The following IL17REL variants were observed in gnomAD, a reference collection of about 807,000 sequenced individuals.
The protein encoded by IL17REL is interleukin-17 receptor E-like protein.
Under a neutral mutation model 49.0 loss-of-function variants are expected in IL17REL, and 36 were observed. The ratio of observed to expected loss-of-function variants is 0.73; its 90% CI spans 0.56 to 0.97. The LOEUF (loss-of-function observed/expected upper bound fraction) is 0.97, where lower values mean the gene tolerates loss of function less well. IL17REL is among the 50% of genes least tolerant of loss of function. The pLI, the probability that IL17REL is intolerant of heterozygous loss-of-function variation, is 0.00. For synonymous variants in IL17REL, 206 were observed against 192.4 expected, an observed-to-expected ratio of 1.07 and a Z score of -0.58; for missense variants, 470 against 453.9, an observed-to-expected ratio of 1.04 and a Z score of -0.32.
At chr22:50,009,520 C>T (rs973624730), upstream of IL17REL, among the ~76,000 whole-genome samples, 7 of 152,130 alleles carry the variant, frequency 4.6e-5, no homozygotes, top group Non-Finnish European at 1.0e-4. Flanking sequence ...AGAGTCCAGG[C>T]CCCCTGGGGG....
exon 13 of IL17REL, chr22:49,996,683 G>A (rs564143467): frequency 1.6e-4 from 44 of 270,398 alleles, no homozygotes; most frequent in African/African-American, 8.1e-4. Context: ...ACTCAGGGCC[G>A]GATGGTCTCC....
downstream of IL17REL, among the ~76,000 whole-genome samples, chr22:49,994,074 C>T (rs1174104923): frequency 6.7e-6 from 1 of 149,446 alleles, no homozygotes; most frequent in Non-Finnish European, 1.5e-5. Context: ...CCCCCATTCC[C>T]CTGATCTCCA....
At chr22:50,007,553 G>A (rs1005124189) in intron 1 of IL17REL, among the ~76,000 whole-genome samples, 1 of 151,816 alleles carries the variant, frequency 6.6e-6, no homozygotes, top group Admixed American at 6.6e-5. Flanking sequence ...TTGGGGGGGG[G>A]ATTCTTAGTA....
chr22:49,994,292 G>A (rs973336940), downstream of IL17REL, among the ~76,000 whole-genome samples: 4 of 133,020 alleles, frequency 3.0e-5, no homozygotes, highest in East Asian at 4.5e-4. Context: ...ACTTGGATGG[G>A]GATGTCTGGT....
chr22:50,010,677 G>A (rs2061134576), upstream of IL17REL, among the ~76,000 whole-genome samples: 1 of 152,196 alleles, frequency 6.6e-6, no homozygotes, highest in African/African-American at 2.4e-5. Flanking sequence ...ACCCAGGGCT[G>A]GCCCCGTGGC....
intron 1 of IL17REL, among the ~76,000 whole-genome samples, chr22:50,008,285 C>T (rs774408405): frequency 3.9e-5 from 6 of 152,152 alleles, no homozygotes; most frequent in East Asian, 1.9e-4. Context: ...GTTAAAGGCC[C>T]AGTAGGGATC....
At chr22:49,992,945 C>T (rs1053994023), downstream of IL17REL, among the ~76,000 whole-genome samples, 28 of 152,194 alleles carry the variant, frequency 1.8e-4, no homozygotes, top group Non-Finnish European at 7.3e-5. Context: ...CAGCTCCCCA[C>T]ACTCCCCATC....
At chr22:49,997,134 G>T in intron 11 of IL17REL, 60 bp from the exon 14 acceptor site, 1 of 1,491,534 alleles carries the variant, frequency 6.7e-7, no homozygotes. Flanking sequence ...GCTAAACACT[G>T]TCCTTCTCCC....
chr22:49,998,423 TG>T, intron 7 of IL17REL, 114 bp from the exon 10 acceptor site: 1 of 617,740 alleles, frequency 1.6e-6, no homozygotes, highest in Non-Finnish European at 2.7e-6. Flanking sequence ...CGCAGTCCTA[TG>T]GGTCTCTGAG....
At chr22:50,000,367 C>T in intron 4 of IL17REL, 111 bp downstream of exon 5, 1 of 796,974 alleles carries the variant, frequency 1.3e-6, no homozygotes, top group Admixed American at 2.2e-5. Context: ...AGAGGTCTTG[C>T]GGGGATCTGT....
At chr22:49,992,968 T>G (rs2061013438), downstream of IL17REL, among the ~76,000 whole-genome samples, 1 of 152,178 alleles carries the variant, frequency 6.6e-6, no homozygotes, top group Admixed American at 6.5e-5. Context: ...GCTCCCAGCC[T>G]CATTCCTCAC....
At chr22:50,011,728 G>C (rs1405583942), upstream of IL17REL, among the ~76,000 whole-genome samples, 1 of 152,072 alleles carries the variant, frequency 6.6e-6, no homozygotes, top group Admixed American at 6.5e-5. Context: ...CTGTGGATCT[G>C]AGCCTGCCCA....
chr22:49,998,904 TG>T (rs556709754), intron 7 of IL17REL, among the ~76,000 whole-genome samples: 17 of 152,024 alleles, frequency 1.1e-4, no homozygotes, highest in South Asian at 8.3e-4. Flanking sequence ...TGCATGTGTA[TG>T]GGCGTGTATG....
intron 7 of IL17REL, among the ~76,000 whole-genome samples, chr22:49,998,958 G>C (rs1204376206): frequency 1.3e-5 from 2 of 151,956 alleles, no homozygotes; most frequent in African/African-American, 4.8e-5. Context: ...TATGTTCGTG[G>C]GTGTCTGTGC....
upstream of IL17REL, among the ~76,000 whole-genome samples, chr22:50,011,648 C>T (rs1316571264): frequency 2.6e-5 from 4 of 152,216 alleles, 1 homozygote; most frequent in African/African-American, 7.2e-5. Flanking sequence ...CACCTGAACC[C>T]GCCCATCTCC....
downstream of IL17REL, among the ~76,000 whole-genome samples, chr22:49,992,948 TCC>T (rs1183379684): frequency 3.9e-5 from 6 of 151,926 alleles, no homozygotes; most frequent in Non-Finnish European, 7.4e-5. Context: ...CTCCCCACAC[TCC>T]CCATCGTGCT....
At chr22:49,992,759 AGGT>A (rs950761953), downstream of IL17REL, among the ~76,000 whole-genome samples, 14 of 152,188 alleles carry the variant, frequency 9.2e-5, no homozygotes, top group Non-Finnish European at 1.6e-4. Flanking sequence ...CTGGGATTAC[AGGT>A]GCCCACCACA....
intron 1 of IL17REL, among the ~76,000 whole-genome samples, chr22:50,005,007 G>A (rs533347388): frequency 5.4e-5 from 8 of 149,320 alleles, no homozygotes; most frequent in Admixed American, 3.3e-4. Context: ...AAGCCACGGA[G>A]GAGAAGGACT....
chr22:49,993,850 AC>A (rs1428357369), downstream of IL17REL, among the ~76,000 whole-genome samples: 3 of 151,828 alleles, frequency 2.0e-5, no homozygotes, highest in Non-Finnish European at 4.4e-5. The surrounding 1 kb of genome is among the most constrained non-coding windows in gnomAD (Gnocchi z 6.0). Flanking sequence ...CACAGGGAGC[AC>A]CCCTGGCTGG....
Sources: allele counts gnomAD v4.1 joint callset (sites outside exome capture counted in the v4.1 genomes callset), GRCh38; gene constraint gnomAD v4.1.1; non-coding constraint Gnocchi (gnomAD v3.1); transcripts MANE v1.5; gene names NCBI Gene and HGNC (gene_info 2026-07-23, HGNC 2026-07-21).